The following DISC1 variants were observed in gnomAD, a reference collection of about 807,000 sequenced individuals.
DISC1 encodes DISC1 scaffold protein, also known as disrupted in schizophrenia 1 protein.
A neutral mutation model predicts 84.5 loss-of-function variants in DISC1; 57 were observed. The ratio of observed to expected loss-of-function variants is 0.67; its 90% confidence interval spans 0.55 to 0.84. The LOEUF is 0.84. DISC1 is among the 40% of genes least tolerant of loss of function. DISC1 has a pLI of 0.00. For synonymous variants in DISC1, 411 were observed against 415.2 expected (o/e 0.99, Z 0.12); for missense variants, 1,000 against 1,057.8 (o/e 0.95, Z 0.76).
In DISC1 at chr1:231,842,159, G is replaced by A. The variant is rs538603384; in HGVS notation, c.1981+23642G>A. Among the ~76,000 whole-genome samples the A allele has an allele frequency of 5.3e-5, 8 of 152,000 alleles. No homozygotes were observed. The East Asian group carries it at 1.6e-3, about 29-fold the overall frequency. ...CTACAGGCATGCACCACCATGCCTG[G>A]CTAATTTTTAAAACATTTATTTTTG... On this transcript the variant is annotated intron_variant, in intron 9 of 12. Transcript: ENST00000439617.
chr1:231,978,866 G>A (rs1196198968), intron 10 of DISC1, among the ~76,000 whole-genome samples: 3 of 152,196 alleles, frequency 2.0e-5, no homozygotes, highest in Non-Finnish European at 4.4e-5. Context: ...TCTAAATCCT[G>A]TAGATCAGGG....
intron 1 of DISC1, among the ~76,000 whole-genome samples, chr1:231,680,516 A>G (rs2063585638): frequency 6.6e-6 from 1 of 152,172 alleles, no homozygotes; most frequent in South Asian, 2.1e-4. Flanking sequence ...CCCTCATACC[A>G]GTGCACTACA....
At chr1:231,777,082 CTG>C (rs1466416937) in intron 6 of DISC1, among the ~76,000 whole-genome samples, 5 of 152,050 alleles carry the variant, frequency 3.3e-5, no homozygotes, top group African/African-American at 1.2e-4. Flanking sequence ...TCTCTCTCCT[CTG>C]TCTTTGCCTT....
At position 232,031,433 on chromosome 1, in the gene DISC1, GAAGGGAA is replaced by G. The variant is rs2103058842; in HGVS notation, c.2425+4890_2425+4896del. The stretch of plus-strand genomic sequence containing the variant: ...AAGGGAGAAGAGACAAGGGAAAGGA[GAAGGGAA>G]AAGGGAAAGGAGAAGGGAAGGGAGA... On this transcript the variant is annotated intron_variant, in intron 12 of 12. Coordinates refer to ENST00000439617, the MANE Select transcript of DISC1 (RefSeq NM_018662.3). The surrounding 1 kb of genome is among the most constrained non-coding windows in gnomAD (Gnocchi z 4.6). Among the ~76,000 whole-genome samples the G allele has an allele frequency of 6.7e-6, 1 of 149,870 alleles. No individual in the cohort carries two copies. Among genetic ancestry groups the G allele is most frequent in the East Asian group, 2.0e-4 (1 of 5,078 alleles).
chr1:231,928,657 G>A (rs923017157), intron 9 of DISC1, among the ~76,000 whole-genome samples: 14 of 152,022 alleles, frequency 9.2e-5, no homozygotes, highest in African/African-American at 3.4e-4. Flanking sequence ...TTAGGGTGTC[G>A]ATTTGAGATC....
chr1:231,790,726 G>A (rs1028641998), intron 6 of DISC1, among the ~76,000 whole-genome samples: 50 of 152,062 alleles, frequency 3.3e-4, no homozygotes, highest in African/African-American at 1.2e-3. Context: ...CACCGTGTTA[G>A]CCAGGATGGT....
chr1:231,972,348 C>T lies in DISC1; in HGVS notation c.2042+13460C>T, dbSNP rs569892747. The stretch of plus-strand genomic sequence containing the variant: ...TCTGCCTGCCAGAGGGGCAGGGGCT[C>T]ACCTGGAGTATGTTTCATCTGGTTC... On this transcript the variant is annotated intron_variant, in intron 10 of 12. Transcript: ENST00000439617. Among the ~76,000 whole-genome samples the T allele has an allele frequency of 2.6e-5, 4 of 152,300 alleles. No homozygotes were observed. In the South Asian group the frequency reaches 8.3e-4, roughly 32 times the overall value.
intron 10 of DISC1, among the ~76,000 whole-genome samples, chr1:232,001,980 T>C (rs1666746525): frequency 6.6e-6 from 1 of 152,172 alleles, no homozygotes; most frequent in Admixed American, 6.5e-5. Flanking sequence ...TTTGTAACCA[T>C]ATATATCTGA....
At chr1:231,680,464 A>G (rs1249344232) in intron 1 of DISC1, among the ~76,000 whole-genome samples, 2 of 152,192 alleles carry the variant, frequency 1.3e-5, no homozygotes, top group African/African-American at 2.4e-5. Flanking sequence ...GAGAATGTGG[A>G]TCACTATAAC....
chr1:231,818,281 A>T (rs1052508287), intron 8 of DISC1, 48 bp from the exon 9 acceptor site: 2 of 1,577,470 alleles, frequency 1.3e-6, no homozygotes, highest in Non-Finnish European at 1.7e-6. Flanking sequence ...ATGTGTGTGG[A>T]TGCTGTAAAG....
intron 10 of DISC1, among the ~76,000 whole-genome samples, chr1:231,965,791 T>C (rs1423326712): frequency 2.0e-5 from 3 of 152,244 alleles, no homozygotes; most frequent in East Asian, 3.8e-4. Flanking sequence ...CTAGCCCCTG[T>C]GCTCACACTC....
chr1:231,866,606 A>T, intron 9 of DISC1: 1 of 1,530,944 alleles, frequency 6.5e-7, no homozygotes, highest in Non-Finnish European at 9.0e-7. Flanking sequence ...CAGCACTGTG[A>T]TTTGAACCCA....
chr1:232,018,341 A>G (rs1425053661), intron 11 of DISC1, among the ~76,000 whole-genome samples: 1 of 152,184 alleles, frequency 6.6e-6, no homozygotes, highest in Non-Finnish European at 1.5e-5. Context: ...GGAAAGACTT[A>G]AGCCTTGTTT....
chr1:231,976,611 C>T (rs759972976), intron 10 of DISC1, among the ~76,000 whole-genome samples: 3 of 152,196 alleles, frequency 2.0e-5, no homozygotes, highest in Non-Finnish European at 2.9e-5. Flanking sequence ...GAGAGGCCAG[C>T]CACTTACTTT....
intron 9 of DISC1, among the ~76,000 whole-genome samples, chr1:231,845,083 T>C (rs2083358399): frequency 6.6e-6 from 1 of 152,168 alleles, no homozygotes; most frequent in Non-Finnish European, 1.5e-5. Context: ...TAAATATTTA[T>C]TATCAGATGT....
intron 1 of DISC1, among the ~76,000 whole-genome samples, chr1:231,652,791 T>A (rs1222204940): frequency 6.6e-6 from 1 of 152,230 alleles, no homozygotes; most frequent in African/African-American, 2.4e-5. Context: ...TTTCTTCTTT[T>A]TTTTCTGAGA....
chr1:231,633,377 C>T (rs969476715), intron 1 of DISC1, among the ~76,000 whole-genome samples: 4 of 152,296 alleles, frequency 2.6e-5, no homozygotes, highest in African/African-American at 9.6e-5. Flanking sequence ...TCTAGGGTGA[C>T]TGTCATGAGG....
intron 10 of DISC1, among the ~76,000 whole-genome samples, chr1:231,995,888 C>T (rs1665886334): frequency 6.6e-6 from 1 of 150,932 alleles, no homozygotes. Context: ...ATGGTATTTC[C>T]AGTTCTAGAT....
intron 6 of DISC1, 26 bp from the exon 7 acceptor site, chr1:231,795,216 C>G: frequency 6.2e-7 from 1 of 1,610,448 alleles, no homozygotes; most frequent in Non-Finnish European, 8.5e-7. Context: ...CCAAGAAGAC[C>G]AATCTCCTCT....
Sources: allele counts gnomAD v4.1 joint callset (sites outside exome capture counted in the v4.1 genomes callset), GRCh38; gene constraint gnomAD v4.1.1; non-coding constraint Gnocchi (gnomAD v3.1); transcripts MANE v1.5; gene names NCBI Gene and HGNC (gene_info 2026-07-23, HGNC 2026-07-21).